Variants in LHFPL3 observed in about 807,000 individuals in gnomAD.
LHFPL3 encodes LHFPL tetraspan subfamily member 3 protein.
A neutral mutation model predicts 19.3 loss-of-function variants in LHFPL3; 5 were observed. That is an observed-to-expected ratio of 0.26 (90% confidence interval 0.14 to 0.54). LHFPL3 has a LOEUF of 0.54. LHFPL3 is among the 20% of genes least tolerant of loss of function. The probability of loss-of-function intolerance (pLI) is 0.94; values close to 1 mark genes in which losing one functional copy is unlikely to be tolerated. For missense variants in LHFPL3, 249 were observed against 307.4 expected (o/e 0.81, Z 1.42); for synonymous variants, 133 against 126.2 (o/e 1.05, Z -0.36).
intron 1 of LHFPL3, among the ~76,000 whole-genome samples, chr7:104,388,960 A>T (rs2214086): frequency 6.6e-6 from 1 of 152,078 alleles, no homozygotes; most frequent in African/African-American, 2.4e-5. Flanking sequence ...TCTTAAGATC[A>T]GAAACAAGAA....
chr7:104,568,477 G>A (rs1017212142), intron 1 of LHFPL3, among the ~76,000 whole-genome samples: 2 of 152,158 alleles, frequency 1.3e-5, no homozygotes, highest in Non-Finnish European at 2.9e-5. Flanking sequence ...ACTGGTAAAT[G>A]TTAAATAACT....
chr7:104,730,747 T>C (rs1793684500), intron 1 of LHFPL3, among the ~76,000 whole-genome samples: 1 of 152,250 alleles, frequency 6.6e-6, no homozygotes. Context: ...CTCTTCACTT[T>C]AATTAGATCC....
intron 1 of LHFPL3, among the ~76,000 whole-genome samples, chr7:104,547,585 C>A (rs1216755908): frequency 1.3e-5 from 2 of 152,116 alleles, no homozygotes; most frequent in East Asian, 3.8e-4. Flanking sequence ...GCATGTGTAT[C>A]CTATATAAGT....
intron 2 of LHFPL3, among the ~76,000 whole-genome samples, chr7:104,889,479 A>C (rs1009957587): frequency 6.6e-6 from 1 of 152,172 alleles, no homozygotes; most frequent in Non-Finnish European, 1.5e-5. Flanking sequence ...AGCTCTACTA[A>C]AAATACAAAA....
chr7:104,596,572 G>C (rs1044364420), intron 1 of LHFPL3, among the ~76,000 whole-genome samples: 1 of 152,178 alleles, frequency 6.6e-6, no homozygotes, highest in African/African-American at 2.4e-5. Context: ...AAACCCCTCT[G>C]TTCCGGTCTA....
At chr7:104,760,177 TTTAAGAACCCC>T (rs1794349608) in intron 2 of LHFPL3, among the ~76,000 whole-genome samples, 1 of 152,178 alleles carries the variant, frequency 6.6e-6, no homozygotes, top group Non-Finnish European at 1.5e-5. Context: ...GGGACCACAC[TTTAAGAACCCC>T]TGCTGTATAG....
intron 1 of LHFPL3, among the ~76,000 whole-genome samples, chr7:104,498,638 C>G (rs563511889): frequency 3.3e-5 from 5 of 152,106 alleles, no homozygotes; most frequent in Admixed American, 3.3e-4. Flanking sequence ...CCACCACGCC[C>G]TGCTAACTTT....
At chr7:104,562,527 G>A (rs1056468775) in intron 1 of LHFPL3, among the ~76,000 whole-genome samples, 10 of 152,014 alleles carry the variant, frequency 6.6e-5, no homozygotes, top group African/African-American at 2.4e-4. Flanking sequence ...TTGGTTTTCA[G>A]CTCCATCAGC....
At chr7:104,859,804 A>G (rs545301083) in intron 2 of LHFPL3, among the ~76,000 whole-genome samples, 4 of 152,334 alleles carry the variant, frequency 2.6e-5, no homozygotes, top group African/African-American at 9.6e-5. Context: ...CATAGAATGT[A>G]TAATACTAAA....
At chr7:104,711,832 A>C (rs1380543033) in intron 1 of LHFPL3, among the ~76,000 whole-genome samples, 1 of 152,210 alleles carries the variant, frequency 6.6e-6, no homozygotes, top group Non-Finnish European at 1.5e-5. Context: ...ATTCCATATA[A>C]TAAAGCTACA....
At chr7:104,655,265 T>C (rs1792101858) in intron 1 of LHFPL3, among the ~76,000 whole-genome samples, 1 of 152,200 alleles carries the variant, frequency 6.6e-6, no homozygotes, top group Non-Finnish European at 1.5e-5. Context: ...TTGTCTCCTC[T>C]AACTCTCCAC....
In LHFPL3 at chr7:104,707,212, C is replaced by T. The variant is rs564265582; in HGVS notation, c.446-29463C>T. Among the ~76,000 whole-genome samples the T allele has an allele frequency of 3.9e-5, 6 of 152,298 alleles. No individual in the cohort carries two copies. The South Asian group carries it at 1.2e-3, about 32-fold the overall frequency. The stretch of plus-strand genomic sequence containing the variant: ...TAGGCTTAATTCACTCCAGAGCTCA[C>T]CAATTCCCAGGGTACATAGTGTTCA... On this transcript the variant is annotated intron_variant, in intron 1 of 2. Coordinates refer to ENST00000424859, the MANE Select transcript of LHFPL3 (RefSeq NM_199000.3).
intron 1 of LHFPL3, among the ~76,000 whole-genome samples, chr7:104,667,314 A>G: frequency 6.6e-6 from 1 of 152,042 alleles, no homozygotes. Context: ...AAATAAGAGC[A>G]CATAAACGTG....
At chr7:104,363,184 T>G (rs1177463635) in intron 1 of LHFPL3, among the ~76,000 whole-genome samples, 1 of 152,182 alleles carries the variant, frequency 6.6e-6, no homozygotes, top group Non-Finnish European at 1.5e-5. Context: ...ATTAGATTCC[T>G]CCCAAAGTTA....
intron 1 of LHFPL3, among the ~76,000 whole-genome samples, chr7:104,374,985 C>A (rs1280331946): frequency 6.6e-6 from 1 of 152,162 alleles, no homozygotes; most frequent in Non-Finnish European, 1.5e-5. Context: ...TTGCTTCGAG[C>A]AATAAATATC....
chr7:104,821,726 C>G (rs1474999533), intron 2 of LHFPL3, among the ~76,000 whole-genome samples: 4 of 152,110 alleles, frequency 2.6e-5, no homozygotes, highest in Non-Finnish European at 4.4e-5. Context: ...TCTTTAAAGG[C>G]CTAAAGTAGC....
intron 1 of LHFPL3, 102 bp from the exon 2 acceptor site, chr7:104,736,573 A>T: frequency 1.3e-6 from 1 of 750,174 alleles, no homozygotes; most frequent in Non-Finnish European, 2.2e-6. Flanking sequence ...AATCAAGAAT[A>T]ATTTGAAACA....
chr7:104,547,022 G>C lies in LHFPL3; in HGVS notation c.446-189653G>C, dbSNP rs1454840641. Among the ~76,000 whole-genome samples the C allele has an allele frequency of 6.6e-5, 6 of 90,414 alleles. 2 individuals carry two copies. Among genetic ancestry groups the C allele is most frequent in the African/African-American group, 2.2e-4 (6 of 27,082 alleles). 59.3% of individuals were successfully genotyped at this position (90,414 alleles called of 152,430 possible). On this transcript the variant is annotated intron_variant, in intron 1 of 2. Coordinates refer to ENST00000424859, the MANE Select transcript of LHFPL3 (RefSeq NM_199000.3). ...GAGGCCGAGGCGGGTGGATCATGAG[G>C]TCAGGAGATCGAGACCATCCTGGCT...
chr7:104,632,460 A>G (rs1791661003), intron 1 of LHFPL3, among the ~76,000 whole-genome samples: 1 of 152,204 alleles, frequency 6.6e-6, no homozygotes. Flanking sequence ...CACATTCTAT[A>G]ATGTGAAGAA....
Sources: allele counts gnomAD v4.1 joint callset (sites outside exome capture counted in the v4.1 genomes callset), GRCh38; gene constraint gnomAD v4.1.1; transcripts MANE v1.5; gene names NCBI Gene and HGNC (gene_info 2026-07-23, HGNC 2026-07-21).